The following NCKAP5 variants were observed in gnomAD, a reference collection of about 807,000 sequenced individuals.
NCKAP5 encodes NCK associated protein 5.
A neutral mutation model predicts 167.0 loss-of-function variants in NCKAP5; 92 were observed. The observed-to-expected ratio is 0.55, with a 90% CI of 0.47 to 0.66. The LOEUF is 0.66. NCKAP5 is among the 30% of genes least tolerant of loss of function. The pLI, the probability that NCKAP5 is intolerant of heterozygous loss-of-function variation, is 0.00. For missense variants in NCKAP5, 2,378 were observed against 2,315.0 expected, an observed-to-expected ratio of 1.03 and a Z score of -0.56; for synonymous variants, 891 against 877.4, an observed-to-expected ratio of 1.02 and a Z score of -0.27.
At chr2:132,969,895 T>C (rs1245998174) in intron 7 of NCKAP5, among the ~76,000 whole-genome samples, 2 of 152,226 alleles carry the variant, frequency 1.3e-5, no homozygotes, top group Non-Finnish European at 2.9e-5. Context: ...GGTTCTCTCT[T>C]GTTTCTTAAT....
chr2:133,488,527 C>T (rs111418817), intron 3 of NCKAP5, among the ~76,000 whole-genome samples: 1 of 152,116 alleles, frequency 6.6e-6, no homozygotes, highest in African/African-American at 2.4e-5. Flanking sequence ...CCAGTCTAGG[C>T]ATATGGAGTG....
intron 19 of NCKAP5, among the ~76,000 whole-genome samples, chr2:132,683,792 T>C (rs897875099): frequency 6.6e-6 from 1 of 152,196 alleles, no homozygotes; most frequent in East Asian, 1.9e-4. Context: ...CAGAGGAAGT[T>C]TGGTGACCCA....
At chr2:133,002,069 G>A (rs1456307864) in intron 6 of NCKAP5, among the ~76,000 whole-genome samples, 1 of 152,102 alleles carries the variant, frequency 6.6e-6, no homozygotes, top group Non-Finnish European at 1.5e-5. Flanking sequence ...CCCAGATTCT[G>A]GTATCTGACG....
At chr2:133,631,857 T>G in the NCKAP5 span, among the ~76,000 whole-genome samples, 1 of 152,182 alleles carries the variant, frequency 6.6e-6, no homozygotes, top group Non-Finnish European at 1.5e-5. Flanking sequence ...AGGGCAACTC[T>G]TGGGCTTTAC....
At chr2:132,728,648 C>T (rs891307617) in intron 18 of NCKAP5, among the ~76,000 whole-genome samples, 168 bp downstream of exon 18, 3 of 152,142 alleles carry the variant, frequency 2.0e-5, no homozygotes, top group Non-Finnish European at 4.4e-5. Flanking sequence ...CACAGTATTC[C>T]TTAATAAGGC....
the NCKAP5 span, among the ~76,000 whole-genome samples, chr2:133,632,161 G>A: frequency 6.6e-6 from 1 of 152,210 alleles, no homozygotes; most frequent in African/African-American, 2.4e-5. Context: ...GACTAGGGGA[G>A]GAATCATCAA....
At chr2:133,629,066 C>T in the NCKAP5 span, among the ~76,000 whole-genome samples, 1 of 152,172 alleles carries the variant, frequency 6.6e-6, no homozygotes, top group South Asian at 2.1e-4. Flanking sequence ...CCATTCAGGA[C>T]ATAGGCACAG....
At chr2:133,461,697 A>G (rs1198174303) in intron 3 of NCKAP5, among the ~76,000 whole-genome samples, 1 of 152,162 alleles carries the variant, frequency 6.6e-6, no homozygotes, top group African/African-American at 2.4e-5. Context: ...CTTCCATTCT[A>G]TGTGTGAGAT....
chr2:132,677,733 G>C (rs781153121), intron 19 of NCKAP5, among the ~76,000 whole-genome samples: 2 of 151,990 alleles, frequency 1.3e-5, no homozygotes, highest in African/African-American at 2.4e-5. Context: ...GACAGAAATT[G>C]AGACGTGCCT....
chr2:132,914,595 A>G (rs1327426303), intron 8 of NCKAP5, among the ~76,000 whole-genome samples: 1 of 152,002 alleles, frequency 6.6e-6, no homozygotes, highest in East Asian at 1.9e-4. Flanking sequence ...TGCTGGGGGT[A>G]GGGCCAGGAG....
At chr2:133,495,433 T>C (rs979204902) in intron 3 of NCKAP5, among the ~76,000 whole-genome samples, 7 of 152,142 alleles carry the variant, frequency 4.6e-5, no homozygotes, top group Admixed American at 3.9e-4. Context: ...CACTGACGCT[T>C]AGTGCAGTAG....
chr2:133,449,544 G>A (rs1426983200), intron 3 of NCKAP5, among the ~76,000 whole-genome samples: 1 of 152,136 alleles, frequency 6.6e-6, no homozygotes, highest in Non-Finnish European at 1.5e-5. Flanking sequence ...GGACTTTTGG[G>A]TCCTTTTCCA....
At chr2:133,589,663 T>C in the NCKAP5 span, among the ~76,000 whole-genome samples, 2 of 152,226 alleles carry the variant, frequency 1.3e-5, no homozygotes, top group African/African-American at 2.4e-5. Context: ...AGGCACATTA[T>C]AATCCTCCTC....
intron 3 of NCKAP5, among the ~76,000 whole-genome samples, chr2:133,511,307 C>T (rs1683469482): frequency 6.6e-6 from 1 of 152,198 alleles, no homozygotes; most frequent in South Asian, 2.1e-4. Flanking sequence ...GTGGGTGGTG[C>T]CCTCCTGGCC....
At chr2:133,636,658 C>A in the NCKAP5 span, among the ~76,000 whole-genome samples, 1 of 152,064 alleles carries the variant, frequency 6.6e-6, no homozygotes, top group Non-Finnish European at 1.5e-5. Flanking sequence ...ATCCTAGTAG[C>A]CAAAAGAGCC....
chr2:133,026,307 G>T (rs966225082), intron 6 of NCKAP5, among the ~76,000 whole-genome samples: 2 of 151,230 alleles, frequency 1.3e-5, no homozygotes, highest in Non-Finnish European at 2.9e-5. Context: ...TTGATGATAG[G>T]TTCTTTTGCT....
intron 4 of NCKAP5, among the ~76,000 whole-genome samples, chr2:133,258,952 G>C (rs943739903): frequency 2.0e-5 from 3 of 152,070 alleles, no homozygotes; most frequent in African/African-American, 7.3e-5. Flanking sequence ...TAGCCTTCCA[G>C]AAAGAGGGGT....
At chr2:133,430,973 T>C (rs566428769) in intron 3 of NCKAP5, among the ~76,000 whole-genome samples, 1 of 151,496 alleles carries the variant, frequency 6.6e-6, no homozygotes, top group African/African-American at 2.4e-5. Context: ...TTATAAATCA[T>C]ATACTAGGAG....
Position 133,038,419 on chromosome 2 carries a change from A to G in NCKAP5, c.342-44180T>C, listed in dbSNP as rs575681357. Among the ~76,000 whole-genome samples, 5 of 152,294 alleles carry G rather than the reference A, an allele frequency of 3.3e-5. No individual in the cohort carries two copies. The South Asian group carries it at 1.0e-3, about 32-fold the overall frequency. On this transcript the variant is annotated intron_variant, in intron 6 of 19. Transcript: ENST00000409261. The stretch of plus-strand genomic sequence containing the variant: ...ACTTATTTGTCGGATCTAAAAATCA[A>G]AACAATTGAACTCATGGACATAGAG...
Sources: allele counts gnomAD v4.1 joint callset (sites outside exome capture counted in the v4.1 genomes callset), GRCh38; gene constraint gnomAD v4.1.1; transcripts MANE v1.5; gene names NCBI Gene and HGNC (gene_info 2026-07-23, HGNC 2026-07-21).